Variants in CTDSPL observed in about 807,000 individuals in gnomAD.
CTDSPL encodes the protein CTD small phosphatase-like protein.
In CTDSPL, 8 loss-of-function variants were observed where a neutral mutation model predicts 30.5. The observed-to-expected ratio is 0.26, with a 90% CI of 0.15 to 0.47. The LOEUF is 0.47. Among genes scored for constraint, CTDSPL ranks in the 20% least tolerant of loss-of-function variants. The pLI, the probability that CTDSPL is intolerant of heterozygous loss-of-function variation, is 0.99. For synonymous variants in CTDSPL, 110 were observed against 137.9 expected (o/e 0.80, Z 1.42); for missense variants, 248 against 366.1 (o/e 0.68, Z 2.63).
intron 1 of CTDSPL, among the ~76,000 whole-genome samples, chr3:37,896,467 A>G (rs1362556154): frequency 6.6e-6 from 1 of 152,178 alleles, no homozygotes. Context: ...GTTTTATTCA[A>G]TAGATAGGTA....
chr3:37,925,184 A>C (rs1698767542), intron 1 of CTDSPL, among the ~76,000 whole-genome samples: 2 of 152,118 alleles, frequency 1.3e-5, no homozygotes, highest in African/African-American at 2.4e-5. Context: ...TGCCCTGCCC[A>C]GGGAAGCCTT....
chr3:37,917,732 A>G (rs538023620), intron 1 of CTDSPL, among the ~76,000 whole-genome samples: 36 of 152,354 alleles, frequency 2.4e-4, no homozygotes, highest in Non-Finnish European at 5.0e-4. Flanking sequence ...ATCAGCAATG[A>G]AACATTCATT....
In CTDSPL at chr3:37,862,522, T is replaced by C. The variant is rs116247651; in HGVS notation, c.79+244T>C. Among the ~76,000 whole-genome samples the C allele has an allele frequency of 0.012, 1,789 of 150,574 alleles. 35 individuals are homozygous for C. The highest frequency in any genetic ancestry group is 0.041 in the African/African-American group (1,666 of 40,898). On this transcript the variant is annotated intron_variant, in intron 1 of 7. Transcript: ENST00000273179. The surrounding 1 kb of genome is among the most constrained non-coding windows in gnomAD (Gnocchi z 4.3). ...AGTGTGTGTGCATCTAACCGGGAGG[T>C]TGTGAGTTTGTGTGCGCGCACGCCC...
chr3:37,919,482 T>G (rs1016494132), intron 1 of CTDSPL, among the ~76,000 whole-genome samples: 1 of 152,218 alleles, frequency 6.6e-6, no homozygotes, highest in African/African-American at 2.4e-5. Context: ...CCAACTTTTT[T>G]TAAAAAGTGA....
rs932813924 is a variant in CTDSPL, at chr3:37,942,362, C to G, written c.80-4695C>G. On this transcript the variant is annotated intron_variant, in intron 1 of 7. Transcript: ENST00000273179. ...ATAATAAAAGCTAAAATGTATATAG[C>G]CTGGGTGTGGTGCCTCACAACTGTA... is the stretch of plus-strand genomic sequence containing the variant. Among the ~76,000 whole-genome samples the G allele has an allele frequency of 2.0e-5, 3 of 150,474 alleles. No homozygotes were observed. In the Admixed American group the frequency reaches 2.0e-4, roughly 10 times the overall value.
At chr3:37,967,499 T>C (rs2125631835) in intron 4 of CTDSPL, among the ~76,000 whole-genome samples, 1 of 152,356 alleles carries the variant, frequency 6.6e-6, no homozygotes, top group Non-Finnish European at 1.5e-5. Flanking sequence ...TAGCAGTGAT[T>C]CCCCATCACC....
rs552411040 is a variant in CTDSPL at position 37,976,491 on chromosome 3, C to T, written c.705+597C>T. Among the ~76,000 whole-genome samples the T allele has an allele frequency of 4.6e-5, 7 of 151,980 alleles. No homozygotes were observed. The South Asian group carries it at 6.3e-4, about 14-fold the overall frequency. On this transcript the variant is annotated intron_variant, in intron 7 of 7. Transcript: ENST00000273179. Reference sequence around the variant, plus strand: ...TACTAAATACAAAAAATTAGCCAGGCGTTGGTGGCACGCACCTGTAGTCTC... The same window carrying T: ...TACTAAATACAAAAAATTAGCCAGGTGTTGGTGGCACGCACCTGTAGTCTC...
chr3:37,950,651 A>G (rs535794041), intron 2 of CTDSPL, among the ~76,000 whole-genome samples: 1 of 152,324 alleles, frequency 6.6e-6, no homozygotes, highest in African/African-American at 2.4e-5. Flanking sequence ...AGTTCTAGAA[A>G]GAGAAAAAGT....
chr3:37,951,722 C>T (rs1310570844), intron 2 of CTDSPL, among the ~76,000 whole-genome samples: 1 of 151,090 alleles, frequency 6.6e-6, no homozygotes, highest in East Asian at 2.0e-4. Flanking sequence ...AGGAATAGAA[C>T]TAATAATAGA....
intron 2 of CTDSPL, among the ~76,000 whole-genome samples, chr3:37,950,115 T>C (rs1462644594): frequency 6.6e-6 from 1 of 152,210 alleles, no homozygotes; most frequent in Non-Finnish European, 1.5e-5. Flanking sequence ...TTCCAGTGCT[T>C]GTGCCTTGGA....
Position 37,980,921 on chromosome 3 carries a change from G to A in CTDSPL, c.*54G>A. 6.4e-7 allele frequency: 1 copy of A among 1,574,076 alleles called. No individual in the cohort carries two copies. The highest frequency in any genetic ancestry group is 8.7e-7 in the Non-Finnish European group (1 of 1,154,014). Reference sequence around the variant, plus strand: ...GCACTCTGGAACCTCTGGCCTCAGGGGACCTGCCTGTCCTCAGCTCCCTGG... The same window carrying A: ...GCACTCTGGAACCTCTGGCCTCAGGAGACCTGCCTGTCCTCAGCTCCCTGG... On this transcript the variant is annotated 3_prime_UTR_variant, in exon 8 of 8. Coordinates refer to ENST00000273179, the MANE Select transcript of CTDSPL (RefSeq NM_001008392.2).
In CTDSPL at chr3:37,981,400, G is replaced by C. The variant is rs982032377; in HGVS notation, c.*533G>C. The C allele has an allele frequency of 3.0e-5, 5 of 168,828 alleles. No individual in the cohort carries two copies. The highest frequency in any genetic ancestry group is 1.8e-4 in the Admixed American group (3 of 16,990). 10.5% of individuals were successfully genotyped at this position (168,828 alleles called of 1,614,324 possible). A position where few individuals can be genotyped will look rare whatever the true frequency, so the allele number is the denominator to read the frequency against. ...AATTTTCTAGAACCTGGTAGCGTGT[G>C]TGTGTGTGGCGGGGGGTGCTGAGGG... is the stretch of plus-strand genomic sequence containing the variant. On this transcript the variant is annotated 3_prime_UTR_variant, in exon 8 of 8. Transcript: ENST00000273179.
intron 1 of CTDSPL, among the ~76,000 whole-genome samples, chr3:37,907,657 TCA>T (rs1424021359): frequency 6.6e-6 from 1 of 152,122 alleles, no homozygotes; most frequent in Non-Finnish European, 1.5e-5. Context: ...TGTACGTGTA[TCA>T]GTGTGGGGGA....
At chr3:37,900,707 TATATAGCTTA>T (rs1255099890) in intron 1 of CTDSPL, among the ~76,000 whole-genome samples, 1 of 152,168 alleles carries the variant, frequency 6.6e-6, no homozygotes, top group Non-Finnish European at 1.5e-5. Flanking sequence ...CTATCTCACA[TATATAGCTTA>T]ATATGCCAGC....
At chr3:37,977,030 A>G (rs540280467) in intron 7 of CTDSPL, among the ~76,000 whole-genome samples, 1 of 152,358 alleles carries the variant, frequency 6.6e-6, no homozygotes, top group Admixed American at 6.5e-5. Context: ...TCTCGCTTAT[A>G]ACCAAAAAAA....
chr3:37,913,457 C>A (rs142693091), intron 1 of CTDSPL, among the ~76,000 whole-genome samples: 15 of 152,286 alleles, frequency 9.8e-5, no homozygotes, highest in Non-Finnish European at 2.2e-4. Context: ...ATATTTTGGA[C>A]TAAAATCAGT....
intron 1 of CTDSPL, among the ~76,000 whole-genome samples, chr3:37,895,282 G>A (rs559876157): frequency 1.3e-5 from 2 of 152,178 alleles, no homozygotes; most frequent in South Asian, 2.1e-4. Context: ...TCTCTGAATC[G>A]AGGCACTACC....
chr3:37,898,333 A>G (rs1277919954), intron 1 of CTDSPL, among the ~76,000 whole-genome samples: 2 of 152,152 alleles, frequency 1.3e-5, no homozygotes, highest in African/African-American at 4.8e-5. Flanking sequence ...CTTCCATTTT[A>G]AGAATACTGT....
intron 1 of CTDSPL, among the ~76,000 whole-genome samples, chr3:37,906,287 C>G (rs565777583): frequency 6.6e-6 from 1 of 152,310 alleles, no homozygotes; most frequent in South Asian, 2.1e-4. Flanking sequence ...AGGCAGCCTT[C>G]TCCACAGGGC....
Sources: allele counts gnomAD v4.1 joint callset (sites outside exome capture counted in the v4.1 genomes callset), GRCh38; gene constraint gnomAD v4.1.1; non-coding constraint Gnocchi (gnomAD v3.1); transcripts MANE v1.5; gene names NCBI Gene and HGNC (gene_info 2026-07-23, HGNC 2026-07-21).